DNAJC7: variants seen among roughly 807,000 people sequenced by gnomAD.
DNAJC7 encodes the protein DnaJ heat shock protein family (Hsp40) member C7.
DNAJC7 carries 18 observed loss-of-function variants against 67.4 expected under a neutral mutation model. The ratio of observed to expected loss-of-function variants is 0.27; its 90% CI spans 0.18 to 0.40. DNAJC7 has a LOEUF of 0.40. Ranked by LOEUF, DNAJC7 falls within the 10% of genes least tolerant of loss-of-function variation. DNAJC7 has a pLI of 1.00. For missense variants in DNAJC7, 419 were observed against 613.8 expected (o/e 0.68, Z 3.35); for synonymous variants, 220 against 207.8 (o/e 1.06, Z -0.50).
chr17:41,999,884 T>C (rs782814404), intron 2 of DNAJC7, among the ~76,000 whole-genome samples: 3 of 148,812 alleles, frequency 2.0e-5, no homozygotes, highest in African/African-American at 5.0e-5. Flanking sequence ...AGTGGCACAA[T>C]CTTGGCTCAC....
At chr17:41,985,973 A>C (rs1277741262) in intron 9 of DNAJC7, 1 of 151,364 alleles carries the variant, frequency 6.6e-6, no homozygotes, top group Non-Finnish European at 1.5e-5. Context: ...GCACATAAAC[A>C]AAGAAGAAAA....
chr17:41,988,951 T>C (rs1178936202), intron 7 of DNAJC7, 55 bp from the exon 8 acceptor site: 1 of 1,586,378 alleles, frequency 6.3e-7, no homozygotes, highest in African/African-American at 1.4e-5. Context: ...CTCAGACCAT[T>C]GCACAGAGAG....
chr17:42,009,025 G>C (rs1208017568), intron 1 of DNAJC7, among the ~76,000 whole-genome samples: 1 of 152,166 alleles, frequency 6.6e-6, no homozygotes, highest in Admixed American at 6.5e-5. Flanking sequence ...TATATGACTT[G>C]GAATAATTCT....
intron 1 of DNAJC7, among the ~76,000 whole-genome samples, chr17:42,002,467 G>C (rs1373796587): frequency 2.0e-5 from 3 of 152,118 alleles, no homozygotes; most frequent in Non-Finnish European, 4.4e-5. Flanking sequence ...ATGGAGGTCG[G>C]GGAGTTCAGG....
rs2051846353 is a variant in DNAJC7 at position 42,002,876 on chromosome 17, A to G, written c.78-2306T>C. ...ACATGTAATATTCAACCCCAGAACC[A>G]AAATCGGTATTTAAATAAGCTAAAT... is the stretch of plus-strand genomic sequence containing the variant. On this transcript the variant is annotated intron_variant, in intron 1 of 13. Transcript: ENST00000457167. Among the ~76,000 whole-genome samples, 3 of 152,354 alleles carry G rather than the reference A, an allele frequency of 2.0e-5. No individual in the cohort carries two copies. The South Asian group carries it at 6.2e-4, about 32-fold the overall frequency.
intron 12 of DNAJC7, among the ~76,000 whole-genome samples, chr17:41,978,480 T>C (rs2051150481): frequency 6.6e-6 from 1 of 152,162 alleles, no homozygotes; most frequent in Non-Finnish European, 1.5e-5. Flanking sequence ...TCCATCTCCA[T>C]TCTCCTTACT....
intron 1 of DNAJC7, among the ~76,000 whole-genome samples, chr17:42,002,090 G>C (rs1383042711): frequency 6.6e-6 from 1 of 152,184 alleles, no homozygotes; most frequent in African/African-American, 2.4e-5. Context: ...TCACCATCCT[G>C]TAACTCTAAA....
At chr17:41,983,668 A>G in intron 9 of DNAJC7, 32 bp from the exon 10 acceptor site, 3 of 1,576,012 alleles carry the variant, frequency 1.9e-6, no homozygotes, top group Non-Finnish European at 2.6e-6. Flanking sequence ...ATACAGCACT[A>G]AGACATAAAT....
rs200666248 is a variant in DNAJC7 at position 41,988,683 on chromosome 17, T to A, written c.918+49A>T. The stretch of plus-strand genomic sequence containing the variant: ...GCAGATTTCCCAAGACCCTTTGATG[T>A]CCCTTAAAAATATTTCTATAGGCCC... On this transcript the variant is annotated intron_variant, in intron 8 of 13. Coordinates refer to ENST00000457167, the MANE Select transcript of DNAJC7 (RefSeq NM_003315.4). 1.5e-4 allele frequency: 236 copies of A among 1,532,974 alleles called. 2 individuals carry two copies. The East Asian group carries it at 4.4e-3, about 29-fold the overall frequency. 95.0% of individuals were successfully genotyped at this position (1,532,974 alleles called of 1,614,324 possible). A position where few individuals can be genotyped will look rare whatever the true frequency, so the allele number is the denominator to read the frequency against.
chr17:41,997,880 T>A (rs1046477321), intron 2 of DNAJC7, among the ~76,000 whole-genome samples: 2 of 152,076 alleles, frequency 1.3e-5, no homozygotes, highest in Admixed American at 1.3e-4. Flanking sequence ...TTTATTTATT[T>A]GAGGCACAGT....
chr17:41,989,615 T>C, intron 6 of DNAJC7, 58 bp from the exon 7 acceptor site: 2 of 1,587,404 alleles, frequency 1.3e-6, no homozygotes, highest in Non-Finnish European at 1.7e-6. Flanking sequence ...CCACCATTAC[T>C]ACCATTTGTG....
At chr17:41,992,975 C>A (rs958723265) in intron 5 of DNAJC7, among the ~76,000 whole-genome samples, 29 of 152,190 alleles carry the variant, frequency 1.9e-4, no homozygotes, top group Non-Finnish European at 2.9e-5. Flanking sequence ...GCTTTCCAAA[C>A]ACACACATGC....
intron 2 of DNAJC7, among the ~76,000 whole-genome samples, chr17:41,999,556 C>T (rs1248550631): frequency 1.3e-5 from 2 of 150,864 alleles, no homozygotes; most frequent in Non-Finnish European, 3.0e-5. Context: ...GTTCTTTGGT[C>T]GTCCCCCAGG....
intron 5 of DNAJC7, among the ~76,000 whole-genome samples, chr17:41,991,791 T>C (rs2051515511): frequency 6.6e-6 from 1 of 152,210 alleles, no homozygotes; most frequent in Non-Finnish European, 1.5e-5. Flanking sequence ...GTGATTCTCC[T>C]GCCTCAGCCT....
rs1436059540 is a variant in DNAJC7 at position 41,986,141 on chromosome 17, A to AG, written c.1010+1677dup. 6 of 149,592 alleles carry AG rather than the reference A, an allele frequency of 4.0e-5. No individual in the cohort carries two copies. In the East Asian group the frequency reaches 1.2e-3, roughly 30 times the overall value. 9.3% of individuals were successfully genotyped at this position (149,592 alleles called of 1,614,324 possible). A position where few individuals can be genotyped will look rare whatever the true frequency, so the allele number is the denominator to read the frequency against. On this transcript the variant is annotated intron_variant, in intron 9 of 13. Coordinates refer to ENST00000457167, the MANE Select transcript of DNAJC7 (RefSeq NM_003315.4). ...AGAACTTTGGGAGGCCAAGACAGGC[A>AG]GATCACTTGTCATCAGGAGTTTGAG...
chr17:41,993,402 T>C (rs1013037975), intron 5 of DNAJC7, among the ~76,000 whole-genome samples: 1 of 152,072 alleles, frequency 6.6e-6, no homozygotes, highest in Non-Finnish European at 1.5e-5. Context: ...GAGCTTGCAG[T>C]GAGCCGAGAT....
intron 7 of DNAJC7, among the ~76,000 whole-genome samples, 196 bp downstream of exon 7, chr17:41,989,208 C>A (rs1025425123): frequency 9.9e-5 from 15 of 152,172 alleles, no homozygotes; most frequent in African/African-American, 2.9e-4. Flanking sequence ...TAAAGGCATC[C>A]GACCCTATAT....
intron 6 of DNAJC7, among the ~76,000 whole-genome samples, chr17:41,989,878 T>A (rs1314151280): frequency 2.0e-5 from 3 of 152,250 alleles, no homozygotes; most frequent in African/African-American, 7.2e-5. Flanking sequence ...GTTCATCTAT[T>A]ATCTAGGGCA....
rs1012443794 is a variant in DNAJC7, at chr17:41,980,689, C to T, written c.1384+1166G>A. Among the ~76,000 whole-genome samples the T allele has an allele frequency of 7.2e-5, 11 of 152,176 alleles. No homozygotes were observed. The South Asian group carries it at 1.0e-3, about 14-fold the overall frequency. On this transcript the variant is annotated intron_variant, in intron 12 of 13. Transcript: ENST00000457167. ...CTGGGATTACAGGCGTAAGCCACCGCGCCCAGCTCACAGGTCAGGGCCTCT... is the reference window on the plus strand; with the variant it reads ...CTGGGATTACAGGCGTAAGCCACCGTGCCCAGCTCACAGGTCAGGGCCTCT...
Sources: gnomAD v4.1 joint callset for allele counts (sites outside exome capture counted in the v4.1 genomes callset) on GRCh38, gnomAD v4.1.1 for gene constraint, MANE v1.5 for transcripts, NCBI Gene and HGNC (gene_info 2026-07-23, HGNC 2026-07-21) for gene names.